Variants in MARF1 observed in about 807,000 individuals in gnomAD.
The protein encoded by MARF1 is meiosis regulator and mRNA stability factor 1.
MARF1 carries 24 observed loss-of-function variants against 168.2 expected under a neutral mutation model. The ratio of observed to expected loss-of-function variants is 0.14; its 90% CI spans 0.10 to 0.20. The LOEUF (loss-of-function observed/expected upper bound fraction) is 0.20. Among genes scored for constraint, MARF1 ranks in the 10% least tolerant of loss-of-function variants. The probability of loss-of-function intolerance (pLI) is 1.00; values close to 1 mark genes in which losing one functional copy is unlikely to be tolerated. For missense variants in MARF1, 1,744 were observed against 2,143.6 expected (o/e 0.81, Z 3.68); for synonymous variants, 868 against 822.4 (o/e 1.06, Z -0.95).
Position 15,613,684 on chromosome 16 carries a change from T to TAAATAAATAAATAAATAAATAAATA in MARF1, c.3254-908_3254-907insTATTTATTTATTTATTTATTTATTT, listed in dbSNP as rs1555524005. 6.4e-3 allele frequency among the ~76,000 whole-genome samples: 937 copies of TAAATAAATAAATAAATAAATAAATA among 146,142 alleles called. 9 individuals carry two copies. The highest frequency in any genetic ancestry group is 8.0e-3 in the Non-Finnish European group (533 of 66,598). ...CTCAATAAATAAATAAATAAATAAA[T>TAAATAAATAAATAAATAAATAAATA]AAATAAAATAAAATAAAATAAAATA... On this transcript the variant is annotated intron_variant, in intron 16 of 26. Coordinates refer to ENST00000396368, the MANE Select transcript of MARF1 (RefSeq NM_014647.4).
At chr16:15,617,001 T>C (rs544618276) in intron 15 of MARF1, 51 bp downstream of exon 15, 3 of 1,576,952 alleles carry the variant, frequency 1.9e-6, no homozygotes, top group South Asian at 2.3e-5. Context: ...AGGCTTCCTA[T>C]AAAAAGCAGA....
At chr16:15,602,430 G>T (rs1703387835) in intron 22 of MARF1, 7 of 602,876 alleles carry the variant, frequency 1.2e-5, no homozygotes, top group Non-Finnish European at 1.4e-5. Flanking sequence ...TGAAGACAAA[G>T]ACGACGAGAC....
At chr16:15,622,634 T>C (rs2034547686) in intron 11 of MARF1, among the ~76,000 whole-genome samples, 1 of 152,186 alleles carries the variant, frequency 6.6e-6, no homozygotes, top group South Asian at 2.1e-4. Flanking sequence ...CTGGCCGCCT[T>C]GGCCTCCCAA....
At chr16:15,615,283 C>T (rs1567552987) in intron 16 of MARF1, among the ~76,000 whole-genome samples, 1 of 152,094 alleles carries the variant, frequency 6.6e-6, no homozygotes, top group Admixed American at 6.6e-5. Context: ...ACATCTTCAG[C>T]TCAGGAGTTC....
chr16:15,625,122 G>T lies in MARF1; in HGVS notation c.2005C>A (p.Gln669Lys), dbSNP rs1385254634. ...KTGHRNSEHQ[Q>K]GHLRLVVPTH... ...GGTACGACCAGCCTCAGGTGACCTT[G>T]CTGGTGCTCACTGTTTCTATGACCA... The change falls in exon 9 of 27, where the codon CAA becomes AAA. Residue 669 changes from glutamine to lysine, a missense_variant. Physicochemically the swap from Gln to Lys is moderately conservative, Grantham distance 53. Transcript: ENST00000396368. 11 of 1,614,032 alleles carry T rather than the reference G, an allele frequency of 6.8e-6. No individual in the cohort carries two copies. Among genetic ancestry groups the T allele is most frequent in the Non-Finnish European group, 9.3e-6 (11 of 1,180,038 alleles).
Position 15,604,248 on chromosome 16 carries a change from G to A in MARF1, c.4333C>T (p.His1445Tyr), listed in dbSNP as rs777933126. Residue 1445 changes from histidine (H) to tyrosine (Y), a missense_variant, in exon 22 of 27, where the codon CAC (histidine) becomes TAC (tyrosine). His to Tyr is a moderately conservative substitution (Grantham distance 83). Transcript: ENST00000396368. ...EELKRHYESTHNTPLNPCEYG... is the reference protein window; with the variant it reads ...EELKRHYESTYNTPLNPCEYG... The stretch of plus-strand genomic sequence containing the variant: ...TCACAGGGGTTAAGGGGAGTGTTGT[G>A]GGTACTTTCGTAATGTCTCTTGAGC... 6.2e-7 allele frequency: 1 copy of A among 1,614,124 alleles called. No homozygotes were observed. Among genetic ancestry groups the A allele is most frequent in the African/African-American group, 1.3e-5 (1 of 75,016 alleles).
intron 25 of MARF1, 60 bp from the exon 26 acceptor site, chr16:15,599,084 C>T (rs1252830143): frequency 6.7e-7 from 1 of 1,501,158 alleles, no homozygotes; most frequent in Non-Finnish European, 9.2e-7. Flanking sequence ...CCAGCACACA[C>T]CCTGGGCTCA....
At position 15,621,261 on chromosome 16, in the gene MARF1, T is replaced by A. The variant is rs536335890; in HGVS notation, c.2639+472A>T. Among the ~76,000 whole-genome samples, 5 of 152,304 alleles carry A rather than the reference T, an allele frequency of 3.3e-5. No individual in the cohort carries two copies. The East Asian group carries it at 9.6e-4, about 29-fold the overall frequency. On this transcript the variant is annotated intron_variant, in intron 12 of 26. Transcript: ENST00000396368. ...AAGAAGTATCACATTTTACTATGAA[T>A]AAAACCATCACCAGACGCTTGAGAC...
intron 25 of MARF1, 117 bp from the exon 26 acceptor site, chr16:15,599,141 GTAT>G: frequency 2.1e-6 from 1 of 467,734 alleles, no homozygotes; most frequent in South Asian, 2.0e-5. Context: ...GAGTCAAGAA[GTAT>G]TTAAGGTATT....
chr16:15,597,355 G>A (rs1376708679), intron 26 of MARF1, among the ~76,000 whole-genome samples: 1 of 152,212 alleles, frequency 6.6e-6, no homozygotes, highest in African/African-American at 2.4e-5. Context: ...TGGGTGTCAG[G>A]GAGCTCCTGG....
chr16:15,624,251 C>T (rs549253264), intron 10 of MARF1, among the ~76,000 whole-genome samples: 1 of 152,298 alleles, frequency 6.6e-6, no homozygotes, highest in South Asian at 2.1e-4. Context: ...TGATCTGCCA[C>T]CAACTCAGCA....
intron 26 of MARF1, among the ~76,000 whole-genome samples, chr16:15,597,324 AG>A (rs1358553467): frequency 6.6e-6 from 1 of 152,174 alleles, no homozygotes. Flanking sequence ...CGTGGGTGGT[AG>A]GGGGTGGGGT....
rs1034106548 is a variant in MARF1 at position 15,596,196 on chromosome 16, G to C, written c.*497C>G. The C allele has an allele frequency of 5.9e-5, 9 of 152,704 alleles. No individual in the cohort carries two copies. The highest frequency in any genetic ancestry group is 2.2e-4 in the African/African-American group (9 of 41,422). The allele number at this position is 152,704 out of a possible 1,614,324, so 9.5% of individuals were successfully genotyped here. On this transcript the variant is annotated 3_prime_UTR_variant, in exon 27 of 27. Coordinates refer to ENST00000396368, the MANE Select transcript of MARF1 (RefSeq NM_014647.4). ...ACCCCTCGCCTACCCTTCTCCTTTG[G>C]TGTGTGAACACACAGGCTAGCGGGA...
intron 1 of MARF1, among the ~76,000 whole-genome samples, chr16:15,641,936 C>T (rs1293936332): frequency 6.6e-6 from 1 of 152,232 alleles, no homozygotes. Flanking sequence ...CTTTCTGTCA[C>T]TCTCTTCAAG....
In MARF1 at chr16:15,624,766, C is replaced by A; in HGVS notation, c.2270+3G>T. On this transcript the variant is annotated splice_donor_region_variant and intron_variant, in intron 10 of 26. Transcript: ENST00000396368. ...CCCCCATGGGTCAAGAAGCTGGACT[C>A]ACCTAGAAGACCAAGACTGAGATGC... The A allele has an allele frequency of 6.2e-7, 1 of 1,613,660 alleles. No individual in the cohort carries two copies. The highest frequency in any genetic ancestry group is 1.7e-5 in the Admixed American group (1 of 59,934).
intron 25 of MARF1, 129 bp from the exon 26 acceptor site, chr16:15,599,153 T>TAA (rs2032114923): frequency 2.3e-6 from 1 of 437,990 alleles, no homozygotes; most frequent in Non-Finnish European, 3.6e-6. Flanking sequence ...ATTTAAGGTA[T>TAA]TAAAAAAAAA....
chr16:15,603,942 A>G (rs375730561), intron 22 of MARF1, among the ~76,000 whole-genome samples: 12 of 152,132 alleles, frequency 7.9e-5, no homozygotes, highest in African/African-American at 2.9e-4. Flanking sequence ...CTAGAACGGG[A>G]CAAACACACC....
chr16:15,631,575 T>C (rs2035258205), intron 5 of MARF1, 77 bp from the exon 6 acceptor site: 2 of 1,013,218 alleles, frequency 2.0e-6, no homozygotes, highest in Admixed American at 4.5e-5. Context: ...CCATATTTTT[T>C]ATTTTTTAAA....
chr16:15,610,707 G>A (rs2033455609), intron 19 of MARF1: 1 of 327,864 alleles, frequency 3.1e-6, no homozygotes, highest in Non-Finnish European at 5.7e-6. Context: ...CCACAGCCAG[G>A]CTGCAGAAGG....
Sources: gnomAD v4.1 joint callset for allele counts (sites outside exome capture counted in the v4.1 genomes callset) on GRCh38, gnomAD v4.1.1 for gene constraint, MANE v1.5 for transcripts, NCBI Gene and HGNC (gene_info 2026-07-23, HGNC 2026-07-21) for gene names.